Variants in RANBP2 observed in about 807,000 individuals in gnomAD.
RANBP2 encodes the protein E3 SUMO-protein ligase RanBP2.
Under a neutral mutation model 303.6 loss-of-function variants are expected in RANBP2, and 57 were observed. That is an observed-to-expected ratio of 0.19 (90% CI 0.15 to 0.23). The LOEUF (loss-of-function observed/expected upper bound fraction) is 0.23, where lower values mean the gene tolerates loss of function less well. RANBP2 is among the 10% of genes least tolerant of loss of function. The probability of loss-of-function intolerance (pLI) is 1.00; values close to 1 mark genes in which losing one functional copy is unlikely to be tolerated. For missense variants in RANBP2, 3,138 were observed against 3,780.8 expected (o/e 0.83, Z 4.46); for synonymous variants, 1,167 against 1,301.5 (o/e 0.90, Z 2.23).
the RANBP2 span, among the ~76,000 whole-genome samples, chr2:109,161,675 G>A: frequency 5.9e-5 from 9 of 151,920 alleles, no homozygotes; most frequent in African/African-American, 2.2e-4. Flanking sequence ...AGGGGAGCTG[G>A]TGTGCAGAGA....
chr2:108,760,814 C>T (rs1027205275), intron 18 of RANBP2, among the ~76,000 whole-genome samples: 1 of 151,880 alleles, frequency 6.6e-6, no homozygotes, highest in Admixed American at 6.6e-5. Flanking sequence ...TTTTAAAGCC[C>T]GCGAACACAT....
the RANBP2 span, among the ~76,000 whole-genome samples, chr2:109,434,487 C>T: frequency 6.6e-6 from 1 of 152,360 alleles, no homozygotes; most frequent in Admixed American, 6.5e-5. Context: ...CGGGCAACTC[C>T]TGACGTGTGT....
At chr2:108,770,314 G>A (rs1404607111) in intron 20 of RANBP2, among the ~76,000 whole-genome samples, 1 of 152,184 alleles carries the variant, frequency 6.6e-6, no homozygotes, top group Non-Finnish European at 1.5e-5. Flanking sequence ...GTATCTTACG[G>A]TGTACTGTTA....
chr2:109,333,519 T>G, the RANBP2 span, among the ~76,000 whole-genome samples: 1 of 152,200 alleles, frequency 6.6e-6, no homozygotes, highest in Non-Finnish European at 1.5e-5. Flanking sequence ...CACCTGTTTG[T>G]GTAAGTAAAG....
the RANBP2 span, among the ~76,000 whole-genome samples, chr2:109,512,241 T>A: frequency 6.6e-6 from 1 of 152,084 alleles, no homozygotes; most frequent in South Asian, 2.1e-4. Context: ...GCTGCATGCA[T>A]GCCTTGGTGA....
At chr2:108,910,551 G>A in the RANBP2 span, 15 of 1,604,884 alleles carry the variant, frequency 9.3e-6, no homozygotes, top group African/African-American at 1.3e-5. Flanking sequence ...AAATGGGGAG[G>A]TTGGGGAGAT....
chr2:109,500,685 A>G, the RANBP2 span, among the ~76,000 whole-genome samples: 4 of 152,210 alleles, frequency 2.6e-5, no homozygotes, highest in Non-Finnish European at 5.9e-5. Context: ...ACGGTGGCTC[A>G]TGCTCGTAAT....
At chr2:109,428,257 AAG>A in the RANBP2 span, among the ~76,000 whole-genome samples, 1 of 152,256 alleles carries the variant, frequency 6.6e-6, no homozygotes, top group Admixed American at 6.5e-5. Context: ...CTAGAGGAGA[AAG>A]GGGATGAAAT....
At chr2:109,521,365 C>T in the RANBP2 span, among the ~76,000 whole-genome samples, 1 of 152,164 alleles carries the variant, frequency 6.6e-6, no homozygotes, top group Non-Finnish European at 1.5e-5. Flanking sequence ...CCAAGTCACC[C>T]GAGTGATGAT....
the RANBP2 span, among the ~76,000 whole-genome samples, chr2:109,412,109 C>A: frequency 5.3e-5 from 8 of 152,222 alleles, no homozygotes; most frequent in African/African-American, 1.9e-4. Flanking sequence ...TCACGCAGGG[C>A]AGTCGGTGGA....
chr2:109,231,143 A>G, the RANBP2 span, among the ~76,000 whole-genome samples: 2 of 152,212 alleles, frequency 1.3e-5, no homozygotes, highest in Admixed American at 1.3e-4. Context: ...TAGTGACCCC[A>G]TCTCCTCTCC....
At chr2:109,699,212 A>C in the RANBP2 span, among the ~76,000 whole-genome samples, 1 of 152,146 alleles carries the variant, frequency 6.6e-6, no homozygotes, top group Non-Finnish European at 1.5e-5. Context: ...TCAGTTCTCA[A>C]AGGATCAAGG....
chr2:109,519,989 C>T, the RANBP2 span, among the ~76,000 whole-genome samples: 1 of 152,212 alleles, frequency 6.6e-6, no homozygotes, highest in Non-Finnish European at 1.5e-5. Flanking sequence ...TTGCATGCAT[C>T]TACACGTGAG....
the RANBP2 span, among the ~76,000 whole-genome samples, chr2:109,302,318 G>T: frequency 1.3e-5 from 2 of 152,240 alleles, no homozygotes. Context: ...ATCTGTGATG[G>T]ATCAGTCAGG....
chr2:109,199,777 T>A, the RANBP2 span, among the ~76,000 whole-genome samples: 5 of 19,600 alleles, frequency 2.6e-4, no homozygotes, highest in African/African-American at 4.2e-4. Flanking sequence ...TGGAATGGAA[T>A]GGAATGGAAT....
At chr2:109,663,104 G>A in the RANBP2 span, among the ~76,000 whole-genome samples, 21,974 of 152,064 alleles carry the variant, frequency 0.14, 1,895 homozygotes, top group Admixed American at 0.27. Context: ...TCCCACACTT[G>A]GACAACTAGC....
At chr2:109,025,439 A>G in the RANBP2 span, among the ~76,000 whole-genome samples, 1 of 152,236 alleles carries the variant, frequency 6.6e-6, no homozygotes, top group Non-Finnish European at 1.5e-5. Flanking sequence ...GCAGAGTAGT[A>G]AAGATATGAT....
chr2:109,496,547 C>T, the RANBP2 span, among the ~76,000 whole-genome samples: 3 of 152,204 alleles, frequency 2.0e-5, no homozygotes, highest in African/African-American at 7.2e-5. Flanking sequence ...AGGGTGAGGG[C>T]ACCTGCAGCA....
the RANBP2 span, among the ~76,000 whole-genome samples, chr2:109,267,465 A>G: frequency 1.3e-5 from 2 of 152,226 alleles, no homozygotes; most frequent in Admixed American, 6.5e-5. Context: ...GCTGCTTTTC[A>G]TAAAGACAGA....
Sources: allele counts gnomAD v4.1 joint callset (sites outside exome capture counted in the v4.1 genomes callset), GRCh38; gene constraint gnomAD v4.1.1; transcripts MANE v1.5; gene names NCBI Gene and HGNC (gene_info 2026-07-23, HGNC 2026-07-21).